Variants in TXNL4A observed in about 807,000 individuals in gnomAD.
TXNL4A encodes thioredoxin like 4A, also known as thioredoxin-like protein 4A.
In TXNL4A, 17 loss-of-function variants were observed where a neutral mutation model predicts 14.6. The ratio of observed to expected loss-of-function variants is 1.16; its 90% CI spans 0.80 to 1.74. TXNL4A has a LOEUF of 1.74. TXNL4A is among the 40% of genes most tolerant of loss of function. The pLI, the probability that TXNL4A is intolerant of heterozygous loss-of-function variation, is 0.00. For missense variants in TXNL4A, 74 were observed against 195.2 expected (o/e 0.38, Z 3.70); for synonymous variants, 83 against 70.6 (o/e 1.18, Z -0.88).
At chr18:80,028,822 C>T (rs2051902128) in intron 1 of TXNL4A, among the ~76,000 whole-genome samples, 2 of 152,190 alleles carry the variant, frequency 1.3e-5, no homozygotes. Context: ...ATTTAGCCTC[C>T]TCAGGGCAAC....
At chr18:80,019,503 G>C (rs1263303164) in intron 1 of TXNL4A, among the ~76,000 whole-genome samples, 1 of 152,126 alleles carries the variant, frequency 6.6e-6, no homozygotes, top group East Asian at 1.9e-4. Context: ...GATTTTGGTG[G>C]GGACACAGCC....
At chr18:79,977,117 G>A (rs978137347) in intron 2 of TXNL4A, among the ~76,000 whole-genome samples, 6 of 151,920 alleles carry the variant, frequency 3.9e-5, no homozygotes, top group South Asian at 2.1e-4. Context: ...GCACCACCAC[G>A]CCCGGCTAAT....
At chr18:80,021,213 G>A (rs537058434) in intron 1 of TXNL4A, among the ~76,000 whole-genome samples, 24 of 151,374 alleles carry the variant, frequency 1.6e-4, no homozygotes, top group African/African-American at 5.6e-4. Flanking sequence ...GTCTTGCTCT[G>A]TTGCCCAGGC....
chr18:80,000,554 A>T (rs1236058774), intron 1 of TXNL4A, among the ~76,000 whole-genome samples: 1 of 152,258 alleles, frequency 6.6e-6, no homozygotes, highest in Non-Finnish European at 1.5e-5. Context: ...GAAAATGTGC[A>T]GTCTGACGAT....
intron 1 of TXNL4A, among the ~76,000 whole-genome samples, chr18:79,979,802 C>T (rs2051435908): frequency 6.6e-6 from 1 of 152,154 alleles, no homozygotes; most frequent in African/African-American, 2.4e-5. Context: ...TGTATACATA[C>T]TTCATTATTT....
intron 1 of TXNL4A, among the ~76,000 whole-genome samples, chr18:80,020,397 G>T (rs891904670): frequency 1.3e-5 from 2 of 152,180 alleles, no homozygotes; most frequent in Non-Finnish European, 2.9e-5. Context: ...GAGGATAGCA[G>T]TGCTGCTACA....
intron 2 of TXNL4A, chr18:79,976,826 C>T (rs1255796465): frequency 4.4e-6 from 2 of 452,136 alleles, no homozygotes; most frequent in South Asian, 1.6e-5. Context: ...TGATTTCTTT[C>T]CCCATTAAAT....
At chr18:79,987,397 G>C (rs757465449) in intron 1 of TXNL4A, among the ~76,000 whole-genome samples, 6 of 152,150 alleles carry the variant, frequency 3.9e-5, no homozygotes, top group Non-Finnish European at 5.9e-5. Context: ...TAGCATCTGT[G>C]AAAGAAAAGA....
At chr18:80,023,438 C>T (rs2051863099) in intron 1 of TXNL4A, among the ~76,000 whole-genome samples, 1 of 151,776 alleles carries the variant, frequency 6.6e-6, no homozygotes, top group East Asian at 1.9e-4. Flanking sequence ...TACGTAAAAA[C>T]TCTGACTCCA....
At chr18:80,033,562 G>T (rs954355568) in intron 1 of TXNL4A, among the ~76,000 whole-genome samples, 5 of 152,276 alleles carry the variant, frequency 3.3e-5, no homozygotes, top group African/African-American at 7.2e-5. Flanking sequence ...GGCGGAAACA[G>T]ACGGACCCCT....
At chr18:80,005,087 T>G (rs2051720994) in intron 1 of TXNL4A, among the ~76,000 whole-genome samples, 1 of 152,334 alleles carries the variant, frequency 6.6e-6, no homozygotes, top group Middle Eastern at 3.4e-3. Context: ...GACACAGACG[T>G]GCAGTAGAAC....
intron 1 of TXNL4A, among the ~76,000 whole-genome samples, chr18:80,023,093 G>A (rs1465139914): frequency 6.6e-6 from 1 of 152,220 alleles, no homozygotes; most frequent in Non-Finnish European, 1.5e-5. Context: ...GAATGGGACT[G>A]ATTAACTTTC....
At chr18:80,004,129 T>TAA (rs11306129) in intron 1 of TXNL4A, among the ~76,000 whole-genome samples, 2 of 145,584 alleles carry the variant, frequency 1.4e-5, no homozygotes, top group African/African-American at 5.1e-5. Context: ...ATAAGCTACT[T>TAA]AAAAAAAAAA....
intron 1 of TXNL4A, among the ~76,000 whole-genome samples, chr18:79,984,973 C>T (rs115470516): frequency 2.1e-3 from 320 of 152,252 alleles, no homozygotes; most frequent in African/African-American, 7.3e-3. Context: ...AATAGAAAGA[C>T]AGCTCAAAGG....
intron 1 of TXNL4A, among the ~76,000 whole-genome samples, chr18:80,000,801 C>A (rs1320617156): frequency 6.6e-6 from 1 of 152,100 alleles, no homozygotes; most frequent in Non-Finnish European, 1.5e-5. Flanking sequence ...TTACAGGCGC[C>A]TGACTCCACT....
At chr18:80,018,986 C>G (rs556434848) in intron 1 of TXNL4A, among the ~76,000 whole-genome samples, 1 of 152,314 alleles carries the variant, frequency 6.6e-6, no homozygotes, top group East Asian at 1.9e-4. Flanking sequence ...ATTTTATTGT[C>G]CATATCGCTA....
chr18:79,986,859 G>A (rs1599729405), intron 1 of TXNL4A: 5 of 772,894 alleles, frequency 6.5e-6, no homozygotes, highest in Non-Finnish European at 7.9e-6. Context: ...TGGATTTCCA[G>A]TATCTGCCCT....
chr18:79,977,757 T>G, intron 1 of TXNL4A, 56 bp from the exon 2 acceptor site: 5 of 1,141,108 alleles, frequency 4.4e-6, no homozygotes, highest in Non-Finnish European at 6.5e-6. Context: ...GCTTTCATTT[T>G]ATAGAAGCAC....
At chr18:79,983,281 T>A (rs1180900968) in intron 1 of TXNL4A, among the ~76,000 whole-genome samples, 2 of 152,206 alleles carry the variant, frequency 1.3e-5, no homozygotes, top group African/African-American at 4.8e-5. Flanking sequence ...AATTACAGGT[T>A]TAAGCCACGG....
Sources: gnomAD v4.1 joint callset for allele counts (sites outside exome capture counted in the v4.1 genomes callset) on GRCh38, gnomAD v4.1.1 for gene constraint, MANE v1.5 for transcripts, NCBI Gene and HGNC (gene_info 2026-07-23, HGNC 2026-07-21) for gene names.